Variants in ICA1 observed in about 807,000 individuals in gnomAD.
ICA1 encodes the protein 69 kDa islet cell autoantigen.
ICA1 carries 40 observed loss-of-function variants against 71.0 expected under a neutral mutation model. That is an observed-to-expected ratio of 0.56 (90% CI 0.44 to 0.73). The LOEUF is 0.73. Ranked by LOEUF, ICA1 falls within the 30% of genes least tolerant of loss-of-function variation. The probability of loss-of-function intolerance (pLI) is 0.00; values close to 1 mark genes in which losing one functional copy is unlikely to be tolerated. For missense variants in ICA1, 578 were observed against 576.5 expected, an observed-to-expected ratio of 1.00 and a Z score of -0.03; for synonymous variants, 207 against 209.5, an observed-to-expected ratio of 0.99 and a Z score of 0.10.
At chr7:8,146,418 C>A (rs1190123239) in intron 8 of ICA1, among the ~76,000 whole-genome samples, 1 of 152,158 alleles carries the variant, frequency 6.6e-6, no homozygotes, top group Non-Finnish European at 1.5e-5. Flanking sequence ...GGCAAGAGTA[C>A]AAGTCTTGAG....
chr7:8,158,353 A>T, intron 7 of ICA1, 174 bp downstream of exon 7: 1 of 671,248 alleles, frequency 1.5e-6, no homozygotes, highest in Non-Finnish European at 2.5e-6. Flanking sequence ...AATAACTACT[A>T]TTTGGTTTGG....
At position 8,245,313 on chromosome 7, in the gene ICA1, G is replaced by T. The variant is rs1489292082; in HGVS notation, c.-79-9308C>A. On this transcript the variant is annotated intron_variant, in intron 1 of 13. Coordinates refer to ENST00000402384, the MANE Select transcript of ICA1 (RefSeq NM_001136020.3). ...CTCTGAGCAAACTATCACAAGGACA[G>T]AAATCCAAGCACCACATGTTCTCAC... Among the ~76,000 whole-genome samples the T allele has an allele frequency of 2.0e-5, 3 of 150,166 alleles. No individual in the cohort carries two copies. The Admixed American group carries it at 2.0e-4, about 10-fold the overall frequency.
chr7:8,126,026 G>C (rs138686200), intron 13 of ICA1, among the ~76,000 whole-genome samples: 19 of 152,336 alleles, frequency 1.2e-4, no homozygotes, highest in African/African-American at 4.6e-4. Context: ...TGTGGGCACT[G>C]AGATGAACTT....
At chr7:8,232,467 T>G in intron 3 of ICA1, 123 bp downstream of exon 3, 4 of 734,010 alleles carry the variant, frequency 5.4e-6, no homozygotes, top group Middle Eastern at 4.0e-4. Context: ...TGAGTTTACC[T>G]AATCCTAGAT....
intron 6 of ICA1, among the ~76,000 whole-genome samples, chr7:8,215,503 A>G (rs10486214): frequency 0.42 from 64,089 of 151,906 alleles, 14,523 homozygotes; most frequent in African/African-American, 0.6. Flanking sequence ...ATGCTGTACT[A>G]TGTTTACTTG....
At chr7:8,227,080 T>G (rs1167876633) in intron 4 of ICA1, among the ~76,000 whole-genome samples, 1 of 152,192 alleles carries the variant, frequency 6.6e-6, no homozygotes, top group Non-Finnish European at 1.5e-5. Context: ...ATTTTCTAAA[T>G]TATTTTGTTT....
chr7:8,141,667 G>T, intron 10 of ICA1, 98 bp downstream of exon 10: 1 of 718,124 alleles, frequency 1.4e-6, no homozygotes, highest in Non-Finnish European at 2.3e-6. Context: ...TGAAAAAGAA[G>T]AAAGGCCTAG....
chr7:8,163,378 A>G (rs1187044001), intron 6 of ICA1, among the ~76,000 whole-genome samples: 1 of 152,228 alleles, frequency 6.6e-6, no homozygotes, highest in East Asian at 1.9e-4. Flanking sequence ...ATAAAATAAA[A>G]CAATGATTCT....
At chr7:8,170,801 A>G (rs1436020842) in intron 6 of ICA1, among the ~76,000 whole-genome samples, 1 of 151,952 alleles carries the variant, frequency 6.6e-6, no homozygotes, top group Non-Finnish European at 1.5e-5. Context: ...CTTCTGTTTT[A>G]ATTTATATGT....
At chr7:8,235,455 T>G (rs1017796178) in intron 2 of ICA1, among the ~76,000 whole-genome samples, 2 of 152,230 alleles carry the variant, frequency 1.3e-5, no homozygotes, top group African/African-American at 2.4e-5. Flanking sequence ...AATTGGCTCC[T>G]GAATGTTCAG....
At chr7:8,152,576 C>CACTACCACCACCACCATT (rs1562698869) in intron 8 of ICA1, among the ~76,000 whole-genome samples, 1 of 115,406 alleles carries the variant, frequency 8.7e-6, no homozygotes, top group African/African-American at 2.8e-5. Flanking sequence ...CCACCACCAC[C>CACTACCACCACCACCATT]ATCTCCTTCA....
chr7:8,259,434 T>G (rs1811458323), intron 1 of ICA1, among the ~76,000 whole-genome samples: 1 of 152,198 alleles, frequency 6.6e-6, no homozygotes, highest in Admixed American at 6.5e-5. Flanking sequence ...GGTCTTAGTA[T>G]TGGTACAAAA....
chr7:8,121,036 A>G (rs895989966), intron 13 of ICA1, among the ~76,000 whole-genome samples: 3 of 152,230 alleles, frequency 2.0e-5, no homozygotes, highest in Non-Finnish European at 4.4e-5. Flanking sequence ...TGCAAGGGGT[A>G]GATAAAATGT....
At chr7:8,152,069 C>A (rs1479468168) in intron 8 of ICA1, among the ~76,000 whole-genome samples, 1 of 152,158 alleles carries the variant, frequency 6.6e-6, no homozygotes, top group African/African-American at 2.4e-5. Context: ...TGCCGGCCTT[C>A]CCAGCCCTCT....
intron 1 of ICA1, among the ~76,000 whole-genome samples, chr7:8,253,013 C>A (rs1025954917): frequency 1.3e-5 from 2 of 152,070 alleles, no homozygotes; most frequent in African/African-American, 4.8e-5. Context: ...ACAGCCCCCA[C>A]CTTATTTCTT....
At chr7:8,162,787 G>A (rs1319344320) in intron 6 of ICA1, among the ~76,000 whole-genome samples, 1 of 152,068 alleles carries the variant, frequency 6.6e-6, no homozygotes, top group African/African-American at 2.4e-5. Context: ...ATTTAGAGAT[G>A]GAGTCTCGCT....
chr7:8,228,618 T>TA lies in ICA1; in HGVS notation c.238dup (p.Tyr80LeufsTer27). The TA allele has an allele frequency of 6.3e-7, 1 of 1,594,526 alleles. No homozygotes were observed. Among genetic ancestry groups the TA allele is most frequent in the South Asian group, 1.1e-5 (1 of 87,774 alleles). ...ATACTTACAACATATCCTCTTTTGA[T>TA]AGAGTACAATTGCTTTCGATAAGTC... On this transcript the variant is annotated frameshift_variant, in exon 4 of 14. Transcript: ENST00000402384. LOFTEE classifies it high-confidence loss of function.
chr7:8,206,009 C>A (rs10440983), intron 6 of ICA1, among the ~76,000 whole-genome samples: 1 of 152,108 alleles, frequency 6.6e-6, no homozygotes, highest in African/African-American at 2.4e-5. Flanking sequence ...CTCTCTCCCC[C>A]TCCCCCTTCG....
At chr7:8,259,512 T>G (rs1000834667) in intron 1 of ICA1, among the ~76,000 whole-genome samples, 1 of 152,244 alleles carries the variant, frequency 6.6e-6, no homozygotes, top group Non-Finnish European at 1.5e-5. Flanking sequence ...AGCATTCTTT[T>G]TAGATACGGA....
Sources: gnomAD v4.1 joint callset for allele counts (sites outside exome capture counted in the v4.1 genomes callset) on GRCh38, gnomAD v4.1.1 for gene constraint, MANE v1.5 for transcripts, NCBI Gene and HGNC (gene_info 2026-07-23, HGNC 2026-07-21) for gene names.